Variants in MCM5 observed in about 807,000 individuals in gnomAD.
MCM5 encodes DNA replication licensing factor MCM5.
A neutral mutation model predicts 79.9 loss-of-function variants in MCM5; 46 were observed. The observed-to-expected ratio is 0.58, with a 90% CI of 0.45 to 0.74. MCM5 has a LOEUF of 0.74. Among genes scored for constraint, MCM5 ranks in the 30% least tolerant of loss-of-function variants. The pLI is 0.00. For missense variants in MCM5, 883 were observed against 1,017.0 expected (o/e 0.87, Z 1.79); for synonymous variants, 404 against 390.5 (o/e 1.03, Z -0.41).
Position 35,406,697 on chromosome 22 carries a change from G to A in MCM5, c.568G>A (p.Gly190Ser). ...CATTGCCATGCGCCCTGGCCTCGAGGGCTATGCCCTGCCCAGGAAGTGCAA... is the reference window on the plus strand; with the variant it reads ...CATTGCCATGCGCCCTGGCCTCGAGAGCTATGCCCTGCCCAGGAAGTGCAA... ...TNIAMRPGLEGYALPRKCNTD... is the reference protein window; with the variant it reads ...TNIAMRPGLESYALPRKCNTD... The change falls in exon 5 of 17, where the codon GGC (glycine) becomes AGC (serine). Residue 190 changes from glycine (G) to serine (S), a missense_variant. By Grantham distance (56) the Gly-to-Ser change is moderately conservative (BLOSUM62 0). This residue lies in a region of MCM5 where 455 missense variants were observed against 517.5 expected (regional missense o/e 0.88). Transcript: ENST00000216122. 6.2e-7 allele frequency: 1 copy of A among 1,609,718 alleles called. No individual in the cohort carries two copies. The highest frequency in any genetic ancestry group is 1.3e-5 in the African/African-American group (1 of 75,062).
chr22:35,406,380 T>C (rs1932215856), intron 4 of MCM5, among the ~76,000 whole-genome samples, 173 bp from the exon 5 acceptor site: 1 of 144,936 alleles, frequency 6.9e-6, no homozygotes, highest in Non-Finnish European at 1.5e-5. Flanking sequence ...CCAGATAGCC[T>C]GGCACTGGGT....
In MCM5 at chr22:35,407,052, G is replaced by A. The variant is rs975055909; in HGVS notation, c.596+327G>A. On this transcript the variant is annotated intron_variant, in intron 5 of 16. Coordinates refer to ENST00000216122, the MANE Select transcript of MCM5 (RefSeq NM_006739.4). ...AAACTATGGTTTGCTCACTAGGCCAGATCTAGCCTGCTGACCCTATGGCCC... is the reference window on the plus strand; with the variant it reads ...AAACTATGGTTTGCTCACTAGGCCAAATCTAGCCTGCTGACCCTATGGCCC... Among the ~76,000 whole-genome samples, 10 of 152,322 alleles carry A rather than the reference G, an allele frequency of 6.6e-5. No homozygotes were observed. In the East Asian group the frequency reaches 1.5e-3, roughly 23 times the overall value.
At chr22:35,446,466 T>C in the MCM5 span, among the ~76,000 whole-genome samples, 10 of 152,146 alleles carry the variant, frequency 6.6e-5, no homozygotes, top group African/African-American at 2.4e-4. Flanking sequence ...CCCATCGCTG[T>C]ACCTCCAGCA....
chr22:35,452,892 C>T, the MCM5 span, among the ~76,000 whole-genome samples: 18 of 152,226 alleles, frequency 1.2e-4, no homozygotes, highest in Admixed American at 7.8e-4. Context: ...GTCTCACCAG[C>T]GGCTTCCTTC....
the MCM5 span, among the ~76,000 whole-genome samples, chr22:35,444,944 C>A: frequency 1.3e-5 from 2 of 152,252 alleles, no homozygotes; most frequent in South Asian, 4.1e-4. Flanking sequence ...TATGCTCATG[C>A]AGCCCAGTGA....
In MCM5 at chr22:35,406,594, C is replaced by T. The variant is rs571490966; in HGVS notation, c.465C>T (p.Ile155=). 9.9e-6 allele frequency: 16 copies of T among 1,613,878 alleles called. No individual in the cohort carries two copies. The highest frequency in any genetic ancestry group is 8.9e-5 in the East Asian group (4 of 44,882). Residue 155 remains isoleucine, a synonymous_variant, in exon 5 of 17, where the codon ATC becomes ATT. Transcript: ENST00000216122. ...MSHLVKIPGI[I]IAASAVRAKA... ...ACCTGGTGAAGATCCCTGGCATCAT[C>T]ATCGCGGCCTCTGCGGTCCGTGCCA...
chr22:35,414,271 A>G (rs949092114), intron 9 of MCM5, among the ~76,000 whole-genome samples: 9 of 152,094 alleles, frequency 5.9e-5, no homozygotes, highest in Non-Finnish European at 1.0e-4. Flanking sequence ...AAGTCACCCA[A>G]TCTCCCTGAG....
At chr22:35,434,904 C>T in the MCM5 span, among the ~76,000 whole-genome samples, 1 of 151,946 alleles carries the variant, frequency 6.6e-6, no homozygotes, top group Admixed American at 6.6e-5. Context: ...GTAATCCCAG[C>T]ACTTTGGAAG....
intron 4 of MCM5, among the ~76,000 whole-genome samples, chr22:35,404,272 T>TA (rs1271389077): frequency 6.6e-6 from 1 of 152,242 alleles, no homozygotes; most frequent in Non-Finnish European, 1.5e-5. Flanking sequence ...ACATGACTCT[T>TA]ACAGCTCGTG....
the MCM5 span, among the ~76,000 whole-genome samples, chr22:35,432,038 G>T: frequency 6.6e-6 from 1 of 152,188 alleles, no homozygotes; most frequent in Non-Finnish European, 1.5e-5. Flanking sequence ...TACAATAAAG[G>T]GCGAGGTGAG....
rs1860157413 is a variant in MCM5, at chr22:35,408,394, C to T, written c.597-14C>T. On this transcript the variant is annotated splice_polypyrimidine_tract_variant and intron_variant, in intron 5 of 16. Transcript: ENST00000216122. ...CAGGTAGCTTTGGTGACTCTTTTCCCTTACCTTGTACAGAGATCAGGCTGG... is the reference window on the plus strand; with the variant it reads ...CAGGTAGCTTTGGTGACTCTTTTCCTTTACCTTGTACAGAGATCAGGCTGG... 1 of 1,608,290 alleles carries T rather than the reference C, an allele frequency of 6.2e-7. No homozygotes were observed. Among genetic ancestry groups the T allele is most frequent in the South Asian group, 1.1e-5 (1 of 90,788 alleles).
chr22:35,418,567 G>A (rs996570489), intron 13 of MCM5, among the ~76,000 whole-genome samples: 13 of 152,030 alleles, frequency 8.6e-5, no homozygotes, highest in Non-Finnish European at 1.5e-4. Context: ...GGCTGAGGCA[G>A]GAGAATTGCT....
At position 35,419,902 on chromosome 22, in the gene MCM5, G is replaced by A; in HGVS notation, c.1722G>A (p.Leu574=). 1 of 1,612,562 alleles carries A rather than the reference G, an allele frequency of 6.2e-7. No individual in the cohort carries two copies. Among genetic ancestry groups the A allele is most frequent in the South Asian group, 1.1e-5 (1 of 90,764 alleles). ...CCTGCAGGAAGTGTGGCCCCCGGCT[G>A]TCAGCAGAGGCTGCAGAGAAACTGA... ...AYCRVKCGPR[L]SAEAAEKLKN... Residue 574 remains leucine, a synonymous_variant, in exon 14 of 17, where the codon CTG becomes CTA. Transcript: ENST00000216122.
intron 8 of MCM5, among the ~76,000 whole-genome samples, chr22:35,413,227 G>A (rs1932440142): frequency 1.3e-5 from 2 of 152,012 alleles, no homozygotes; most frequent in South Asian, 2.1e-4. Flanking sequence ...TGTATTTTTA[G>A]TAGAGACAGG....
intron 4 of MCM5, among the ~76,000 whole-genome samples, chr22:35,406,179 T>C (rs938909911): frequency 6.6e-6 from 1 of 152,050 alleles, no homozygotes; most frequent in African/African-American, 2.4e-5. Flanking sequence ...CTCCCAGGTT[T>C]GTTCTGTGTT....
chr22:35,417,195 G>A (rs1206065027), intron 12 of MCM5, among the ~76,000 whole-genome samples: 2 of 152,140 alleles, frequency 1.3e-5, no homozygotes, highest in Admixed American at 6.5e-5. Context: ...TAAGTCCGGC[G>A]GCTTAAGGCC....
the MCM5 span, among the ~76,000 whole-genome samples, chr22:35,452,563 C>T: frequency 6.6e-5 from 10 of 152,156 alleles, no homozygotes; most frequent in South Asian, 2.1e-4. Flanking sequence ...AAATACCATG[C>T]GGAAACGTCT....
chr22:35,414,914 CATG>C (rs1331586983), intron 9 of MCM5, among the ~76,000 whole-genome samples: 4 of 152,190 alleles, frequency 2.6e-5, no homozygotes, highest in African/African-American at 9.7e-5. Context: ...GAAGGTCTGA[CATG>C]ATCCGAGTGG....
chr22:35,410,918 G>T lies in MCM5; in HGVS notation c.919+8G>T. 6.3e-7 allele frequency: 1 copy of T among 1,584,792 alleles called. No homozygotes were observed. The highest frequency in any genetic ancestry group is 8.6e-7 in the Non-Finnish European group (1 of 1,162,458). On this transcript the variant is annotated splice_region_variant and intron_variant, in intron 7 of 16. Transcript: ENST00000216122. Reference sequence around the variant, plus strand: ...TGGACACAGATGGCTCTGGTGAGTTGGCTTTGGGGTCCTGGCTTAGCCCTG... The same window carrying T: ...TGGACACAGATGGCTCTGGTGAGTTTGCTTTGGGGTCCTGGCTTAGCCCTG...
Sources: allele counts gnomAD v4.1 joint callset (sites outside exome capture counted in the v4.1 genomes callset), GRCh38; gene constraint gnomAD v4.1.1; regional missense constraint gnomAD v4.1.1; transcripts MANE v1.5; gene names NCBI Gene and HGNC (gene_info 2026-07-23, HGNC 2026-07-21).